Variants in AOAH observed in about 807,000 individuals in gnomAD.
AOAH encodes acyloxyacyl hydrolase (neutrophil).
AOAH carries 64 observed loss-of-function variants against 92.2 expected under a neutral mutation model. That is an observed-to-expected ratio of 0.69 (90% CI 0.57 to 0.86). The LOEUF is 0.86. Ranked by LOEUF, AOAH falls within the 40% of genes least tolerant of loss-of-function variation. AOAH has a pLI of 0.00. For synonymous variants in AOAH, 263 were observed against 254.5 expected, an observed-to-expected ratio of 1.03 and a Z score of -0.32; for missense variants, 656 against 694.6, an observed-to-expected ratio of 0.94 and a Z score of 0.62.
chr7:36,567,959 A>G (rs1402131652), intron 13 of AOAH, among the ~76,000 whole-genome samples: 1 of 152,238 alleles, frequency 6.6e-6, no homozygotes, highest in Admixed American at 6.5e-5. Flanking sequence ...GGCCCTGTAC[A>G]TTAGAGTGGC....
At chr7:36,517,228 C>CTTTTTCTCTT (rs200489121) in intron 20 of AOAH, among the ~76,000 whole-genome samples, 2 of 54,820 alleles carry the variant, frequency 3.6e-5, no homozygotes, top group African/African-American at 5.9e-5. Flanking sequence ...TTCTTTCTGT[C>CTTTTTCTCTT]TCTCTCTCTC....
chr7:36,632,366 AC>A (rs1232836016), intron 5 of AOAH, among the ~76,000 whole-genome samples: 3 of 151,964 alleles, frequency 2.0e-5, no homozygotes, highest in African/African-American at 7.3e-5. Flanking sequence ...CTTCCCAGCC[AC>A]CCTCACTCTC....
chr7:36,620,917 A>AAC, intron 8 of AOAH, 88 bp from the exon 9 acceptor site: 1 of 1,227,622 alleles, frequency 8.1e-7, no homozygotes, highest in Middle Eastern at 1.9e-4. Flanking sequence ...GAATGAATGA[A>AAC]TGAATGCTAC....
intron 20 of AOAH, 139 bp downstream of exon 20, chr7:36,521,900 T>C: frequency 1.5e-6 from 1 of 667,514 alleles, no homozygotes; most frequent in Non-Finnish European, 2.6e-6. Context: ...AAATCTTCTA[T>C]CCTATACATG....
intron 3 of AOAH, among the ~76,000 whole-genome samples, chr7:36,670,697 G>A (rs950347507): frequency 4.6e-5 from 7 of 152,072 alleles, no homozygotes; most frequent in Non-Finnish European, 7.4e-5. Context: ...GGATGCTCTC[G>A]ATCTCCTGAC....
intron 4 of AOAH, among the ~76,000 whole-genome samples, chr7:36,652,580 T>C (rs12690818): frequency 0.37 from 56,885 of 152,122 alleles, 12,833 homozygotes; most frequent in African/African-American, 0.65. Flanking sequence ...ACCTGGCAAA[T>C]GACCCTTTCA....
intron 4 of AOAH, among the ~76,000 whole-genome samples, chr7:36,644,810 A>G (rs560281108): frequency 2.0e-5 from 3 of 151,104 alleles, no homozygotes; most frequent in Non-Finnish European, 4.4e-5. Flanking sequence ...CACTTCACAC[A>G]TTTGACAGCA....
At chr7:36,642,056 T>A (rs1209874807) in intron 4 of AOAH, among the ~76,000 whole-genome samples, 2 of 152,096 alleles carry the variant, frequency 1.3e-5, no homozygotes, top group Non-Finnish European at 2.9e-5. Context: ...GAATTTTGAA[T>A]TGTCTCACCT....
At chr7:36,526,468 G>A (rs1382749791) in intron 19 of AOAH, among the ~76,000 whole-genome samples, 1 of 152,202 alleles carries the variant, frequency 6.6e-6, no homozygotes. Flanking sequence ...TGGGAGAAAT[G>A]CAATACCAGA....
intron 1 of AOAH, among the ~76,000 whole-genome samples, chr7:36,693,786 C>T (rs1797548225): frequency 6.6e-6 from 1 of 152,030 alleles, no homozygotes; most frequent in African/African-American, 2.4e-5. Context: ...TAATTGGTAC[C>T]TATGTCTGTT....
intron 13 of AOAH, among the ~76,000 whole-genome samples, chr7:36,558,191 T>C (rs1374520540): frequency 7.9e-5 from 12 of 152,172 alleles, no homozygotes; most frequent in Non-Finnish European, 1.5e-4. Flanking sequence ...GTTTGTTAGT[T>C]TTCCTTCTAA....
chr7:36,584,199 T>C (rs563826280), intron 12 of AOAH, among the ~76,000 whole-genome samples: 2 of 152,372 alleles, frequency 1.3e-5, no homozygotes, highest in South Asian at 4.1e-4. Flanking sequence ...TTATTTAAAT[T>C]AACATTTCCA....
At chr7:36,565,484 G>GAAC (rs1320048869) in intron 13 of AOAH, among the ~76,000 whole-genome samples, 1 of 151,528 alleles carries the variant, frequency 6.6e-6, no homozygotes, top group Non-Finnish European at 1.5e-5. Flanking sequence ...TGCAAAAGTA[G>GAAC]AACAAAGGAT....
chr7:36,626,533 A>T (rs1436273726), intron 6 of AOAH, among the ~76,000 whole-genome samples: 1 of 152,210 alleles, frequency 6.6e-6, no homozygotes, highest in African/African-American at 2.4e-5. Context: ...ACTAATCAAA[A>T]TTTTTTTCAA....
At chr7:36,630,741 A>T (rs1308049141) in intron 6 of AOAH, among the ~76,000 whole-genome samples, 2 of 152,170 alleles carry the variant, frequency 1.3e-5, no homozygotes, top group African/African-American at 4.8e-5. Context: ...AGGCTCAGAG[A>T]CATTAAGTGG....
At chr7:36,716,913 T>C (rs1799222445) in intron 1 of AOAH, among the ~76,000 whole-genome samples, 2 of 151,888 alleles carry the variant, frequency 1.3e-5, no homozygotes, top group African/African-American at 4.8e-5. Context: ...ACATGGCACA[T>C]GTATACATAT....
At chr7:36,523,882 T>C (rs886618628) in intron 19 of AOAH, among the ~76,000 whole-genome samples, 25 of 152,102 alleles carry the variant, frequency 1.6e-4, no homozygotes, top group African/African-American at 5.8e-4. Flanking sequence ...TTTCTTCAAA[T>C]GCAGAGAGCC....
At chr7:36,699,816 A>C (rs937976399) in intron 1 of AOAH, among the ~76,000 whole-genome samples, 1 of 151,890 alleles carries the variant, frequency 6.6e-6, no homozygotes, top group African/African-American at 2.4e-5. Flanking sequence ...TCATTTGTCT[A>C]ATTTTCTTTT....
intron 1 of AOAH, among the ~76,000 whole-genome samples, chr7:36,695,447 T>C (rs1024255416): frequency 3.9e-5 from 6 of 152,196 alleles, no homozygotes; most frequent in Non-Finnish European, 8.8e-5. Flanking sequence ...CTGCTAGGCG[T>C]TTTTTACAAA....
Sources: gnomAD v4.1 joint callset for allele counts (sites outside exome capture counted in the v4.1 genomes callset) on GRCh38, gnomAD v4.1.1 for gene constraint, MANE v1.5 for transcripts, NCBI Gene and HGNC (gene_info 2026-07-23, HGNC 2026-07-21) for gene names.